Variants in SLC29A2 observed in about 807,000 individuals in gnomAD.
The protein encoded by SLC29A2 is solute carrier family 29 member 2.
A neutral mutation model predicts 48.8 loss-of-function variants in SLC29A2; 37 were observed. The observed-to-expected ratio is 0.76, with a 90% CI of 0.58 to 1.00. The LOEUF (loss-of-function observed/expected upper bound fraction) is 1.00. Among genes scored for constraint, SLC29A2 ranks in the 50% least tolerant of loss-of-function variants. SLC29A2 has a pLI of 0.00. For missense variants in SLC29A2, 533 were observed against 578.6 expected (o/e 0.92, Z 0.81); for synonymous variants, 233 against 261.7 (o/e 0.89, Z 1.06).
chr11:66,371,864 C>T (rs975262873), upstream of SLC29A2: 11 of 529,844 alleles, frequency 2.1e-5, no homozygotes, highest in African/African-American at 8.2e-5. Flanking sequence ...GACTCTGGCT[C>T]GGGCCCCGCC....
chr11:66,366,326 T>C lies in SLC29A2; in HGVS notation c.868-95A>G, dbSNP rs905624753. On this transcript the variant is annotated intron_variant, in intron 8 of 11. Coordinates refer to ENST00000357440, the MANE Select transcript of SLC29A2 (RefSeq NM_001532.3). ...ATGTGGGAGCAGGACACTTGGGGCC[T>C]GGCCCAGCTGTGTCCCTGACCCACT... 1.7e-5 allele frequency: 27 copies of C among 1,602,094 alleles called. No homozygotes were observed. In the Middle Eastern group the frequency reaches 1.0e-3, roughly 61 times the overall value.
At chr11:66,366,693 T>A in intron 7 of SLC29A2, 129 bp from the exon 8 acceptor site, 1 of 1,018,602 alleles carries the variant, frequency 9.8e-7, no homozygotes, top group South Asian at 1.6e-5. Flanking sequence ...CTCACGCCTG[T>A]AATCCCAACA....
Position 66,369,143 on chromosome 11 carries a change from G to A in SLC29A2, c.332C>T (p.Ala111Val). 3.8e-6 allele frequency: 6 copies of A among 1,581,758 alleles called. No individual in the cohort carries two copies. Among genetic ancestry groups the A allele is most frequent in the South Asian group, 1.2e-5 (1 of 86,636 alleles). The stretch of plus-strand genomic sequence containing the variant: ...CACCTTGACCAGCGCTGCTGTCAGG[G>A]CAAAGAGCAGCAGTATGGCCAGCAG... ...GSLLAILLLFALTAALVKVDM... is the reference protein window; with the variant it reads ...GSLLAILLLFVLTAALVKVDM... Residue 111 changes from alanine (A) to valine (V), a missense_variant, in exon 4 of 12, where the codon GCC (alanine) becomes GTC (valine). By Grantham distance (64) the Ala-to-Val change is moderately conservative. Transcript: ENST00000357440.
At position 66,371,552 on chromosome 11, in the gene SLC29A2, G is replaced by T; in HGVS notation, c.29+11C>A. The T allele has an allele frequency of 6.5e-7, 1 of 1,550,386 alleles. No individual in the cohort carries two copies. On this transcript the variant is annotated intron_variant, in intron 1 of 11. Coordinates refer to ENST00000357440, the MANE Select transcript of SLC29A2 (RefSeq NM_001532.3). ...CCCCCGGCCACTTGCAACGCACCCG[G>T]GCCCACTCACCTGTCCCGCGGGGCG... is the stretch of plus-strand genomic sequence containing the variant.
chr11:66,366,159 T>C lies in SLC29A2; in HGVS notation c.940A>G (p.Met314Val). The C allele has an allele frequency of 6.2e-7, 1 of 1,614,178 alleles. No individual in the cohort carries two copies. Among genetic ancestry groups the C allele is most frequent in the Non-Finnish European group, 8.5e-7 (1 of 1,180,014 alleles). The change falls in exon 9 of 12, where the codon ATG (methionine) becomes GTG (valine). Residue 314 changes from methionine (M) to valine (V), a missense_variant. Physicochemically the swap from Met to Val is conservative, Grantham distance 21. Coordinates refer to ENST00000357440, the MANE Select transcript of SLC29A2 (RefSeq NM_001532.3). ...CCAGGACTGGTGGAGCTGGTCACCA[T>C]GGCTGTGATGGCGGGGAAGACGGAC... The part of the protein sequence containing the change: ...TLSVFPAITA[M>V]VTSSTSPGKW...
At chr11:66,363,857 A>G (rs534210609) in intron 11 of SLC29A2, 1 of 513,048 alleles carries the variant, frequency 1.9e-6, no homozygotes, top group South Asian at 2.1e-5. Flanking sequence ...CCCTTGAGGA[A>G]ATAGCCCATG....
intron 10 of SLC29A2, among the ~76,000 whole-genome samples, 158 bp downstream of exon 10, chr11:66,365,778 C>T (rs1265166193): frequency 1.3e-5 from 2 of 152,208 alleles, no homozygotes; most frequent in Non-Finnish European, 2.9e-5. Flanking sequence ...AAGCCCTGGC[C>T]TGCACGCCTC....
intron 2 of SLC29A2, among the ~76,000 whole-genome samples, chr11:66,369,757 G>A (rs1305021193): frequency 6.6e-6 from 1 of 152,152 alleles, no homozygotes. Context: ...CAAGAGCCTC[G>A]ATCCAGCCTT....
rs1029907745 is a variant in SLC29A2, at chr11:66,369,265, G to A, written c.276-66C>T. On this transcript the variant is annotated intron_variant, in intron 3 of 11. Transcript: ENST00000357440. The stretch of plus-strand genomic sequence containing the variant: ...CAGAGGGGGCTGGGGAAGGAGGCTC[G>A]ACACCTGGGGCTGGGCAGTAGGGCT... 75 of 1,587,518 alleles carry A rather than the reference G, an allele frequency of 4.7e-5. No individual in the cohort carries two copies. The Admixed American group carries it at 1.1e-3, about 22-fold the overall frequency.
chr11:66,364,501 TA>T, intron 10 of SLC29A2, 77 bp from the exon 11 acceptor site: 1 of 947,166 alleles, frequency 1.1e-6, no homozygotes, highest in South Asian at 1.7e-5. Flanking sequence ...ACCCATAGAG[TA>T]CTTTTTTTTT....
chr11:66,363,583 C>T, intron 11 of SLC29A2, 36 bp from the exon 12 acceptor site: 1 of 1,525,274 alleles, frequency 6.6e-7, no homozygotes, highest in Non-Finnish European at 9.0e-7. Flanking sequence ...TTAGAAAATG[C>T]TGGGTCTAAA....
chr11:66,366,138 G>A lies in SLC29A2; in HGVS notation c.961C>T (p.Pro321Ser). The A allele has an allele frequency of 6.2e-7, 1 of 1,613,990 alleles. No individual in the cohort carries two copies. The highest frequency in any genetic ancestry group is 8.5e-7 in the Non-Finnish European group (1 of 1,179,866). ...ITAMVTSSTS[P>S]GKWSQFFNPI... Reference sequence around the variant, plus strand: ...CCCTGACACTCACTCCACTTCCCAGGACTGGTGGAGCTGGTCACCATGGCT... The same window carrying A: ...CCCTGACACTCACTCCACTTCCCAGAACTGGTGGAGCTGGTCACCATGGCT... The change falls in exon 9 of 12, where the codon CCT becomes TCT. Residue 321 changes from proline to serine, a missense_variant. Physicochemically the swap from Pro to Ser is moderately conservative, Grantham distance 74. Coordinates refer to ENST00000357440, the MANE Select transcript of SLC29A2 (RefSeq NM_001532.3).
intron 8 of SLC29A2, 72 bp from the exon 9 acceptor site, chr11:66,366,303 G>A: frequency 2.5e-6 from 4 of 1,599,080 alleles, no homozygotes; most frequent in Non-Finnish European, 3.4e-6. Context: ...CAAGCCCCAT[G>A]TGGGAGCAGG....
At position 66,365,721 on chromosome 11, in the gene SLC29A2, CAG is replaced by C. The variant is rs1466189862; in HGVS notation, c.1059+213_1059+214del. Among the ~76,000 whole-genome samples the C allele has an allele frequency of 2.0e-5, 3 of 152,318 alleles. No homozygotes were observed. The South Asian group carries it at 6.2e-4, about 32-fold the overall frequency. On this transcript the variant is annotated intron_variant, in intron 10 of 11. Coordinates refer to ENST00000357440, the MANE Select transcript of SLC29A2 (RefSeq NM_001532.3). ...CAGCAAAGGCTGGATGCTGGGGACACAGAGGTCAGCTGGACATGATTTTTGCT... is the reference window on the plus strand; with the variant it reads ...CAGCAAAGGCTGGATGCTGGGGACACAGGTCAGCTGGACATGATTTTTGCT...
intron 2 of SLC29A2, 92 bp from the exon 3 acceptor site, chr11:66,369,624 G>A (rs1855918965): frequency 6.9e-7 from 1 of 1,450,192 alleles, no homozygotes; most frequent in Admixed American, 1.7e-5. Flanking sequence ...AATGTCTGTG[G>A]GGACTTGTCT....
In SLC29A2 at chr11:66,364,294, A is replaced by T; in HGVS notation, c.1190T>A (p.Ile397Asn). ...PILFPQDAYFITFMLLFAVSN... is the reference protein window; with the variant it reads ...PILFPQDAYFNTFMLLFAVSN... ...AACGGCAAAGAGCAGCATGAAGGTG[A>T]TGAAGTAGGCATCCTGTGGGAAGAG... The change falls in exon 11 of 12, where the codon ATC becomes AAC. Residue 397 changes from isoleucine to asparagine, a missense_variant. Ile to Asn is a moderately radical substitution (Grantham distance 149). Transcript: ENST00000357440. The T allele has an allele frequency of 1.9e-6, 3 of 1,612,010 alleles. No homozygotes were observed. Among genetic ancestry groups the T allele is most frequent in the Non-Finnish European group, 2.5e-6 (3 of 1,178,986 alleles).
chr11:66,365,706 T>A (rs1565217206), intron 10 of SLC29A2, among the ~76,000 whole-genome samples: 4 of 152,356 alleles, frequency 2.6e-5, no homozygotes, highest in South Asian at 2.1e-4. Context: ...CAGCAAAGGC[T>A]GGATGCTGGG....
intron 10 of SLC29A2, 121 bp downstream of exon 10, chr11:66,365,815 G>A (rs1329765555): frequency 1.1e-6 from 1 of 923,304 alleles, no homozygotes; most frequent in Non-Finnish European, 1.8e-6. Flanking sequence ...CCTGCTGCTT[G>A]GCCAGTGGTT....
At chr11:66,368,794 G>A in intron 4 of SLC29A2, 123 bp from the exon 5 acceptor site, 2 of 1,330,118 alleles carry the variant, frequency 1.5e-6, no homozygotes, top group East Asian at 2.5e-5. Context: ...AGCTTCCCTA[G>A]GGACTCTGAG....
Sources: allele counts gnomAD v4.1 joint callset (sites outside exome capture counted in the v4.1 genomes callset), GRCh38; gene constraint gnomAD v4.1.1; transcripts MANE v1.5; gene names NCBI Gene and HGNC (gene_info 2026-07-23, HGNC 2026-07-21).